KCNIP1: variants seen among roughly 807,000 people sequenced by gnomAD.
The protein encoded by KCNIP1 is potassium voltage-gated channel interacting protein 1.
In KCNIP1, 18 loss-of-function variants were observed where a neutral mutation model predicts 33.0. The observed-to-expected ratio is 0.55, with a 90% CI of 0.38 to 0.81. The LOEUF (loss-of-function observed/expected upper bound fraction) is 0.81. Ranked by LOEUF, KCNIP1 falls within the 30% of genes least tolerant of loss-of-function variation. The pLI is 0.00. For synonymous variants in KCNIP1, 93 were observed against 98.3 expected (o/e 0.95, Z 0.32); for missense variants, 238 against 271.6 (o/e 0.88, Z 0.87).
chr5:170,581,862 G>T (rs558792060), intron 1 of KCNIP1, among the ~76,000 whole-genome samples: 1 of 152,112 alleles, frequency 6.6e-6, no homozygotes, highest in African/African-American at 2.4e-5. Context: ...TCTGCATCTG[G>T]TGTGGACCTC....
intron 1 of KCNIP1, among the ~76,000 whole-genome samples, chr5:170,508,703 C>T (rs1230622352): frequency 6.6e-6 from 1 of 152,188 alleles, no homozygotes; most frequent in East Asian, 1.9e-4. Flanking sequence ...AATGCTCTCC[C>T]ACCCCACCCC....
Position 170,409,526 on chromosome 5 carries a change from C to T in KCNIP1, c.88+55562C>T, listed in dbSNP as rs1293792060. Among the ~76,000 whole-genome samples the T allele has an allele frequency of 2.6e-5, 4 of 152,310 alleles. No homozygotes were observed. The East Asian group carries it at 7.7e-4, about 29-fold the overall frequency. Reference sequence around the variant, plus strand: ...ATAAGTTCACAGAGGCAGGGTTGTGCAGTAGTGACACGCACAGGCTCTTGA... The same window carrying T: ...ATAAGTTCACAGAGGCAGGGTTGTGTAGTAGTGACACGCACAGGCTCTTGA... On this transcript the variant is annotated intron_variant, in intron 1 of 7. Transcript: ENST00000377360.
At position 170,367,418 on chromosome 5, in the gene KCNIP1, AAAGG is replaced by A. The variant is rs1265311045; in HGVS notation, c.88+13457_88+13460del. On this transcript the variant is annotated intron_variant, in intron 1 of 7. Coordinates refer to the KCNIP1 transcript ENST00000377360. ...GAAAGAAAGAAAGAAAGAAAGAAAG[AAAGG>A]AAAGAAAGAAAGAAAGGAAAGAAAG... 1.6e-4 allele frequency among the ~76,000 whole-genome samples: 16 copies of A among 101,354 alleles called. 1 individual carries two copies. Among genetic ancestry groups the A allele is most frequent in the South Asian group, 5.6e-4 (2 of 3,554 alleles). The allele number at this position is 101,354 out of a possible 152,430, so 66.5% of individuals were successfully genotyped here. A position where few individuals can be genotyped will look rare whatever the true frequency, so the allele number is the denominator to read the frequency against.
At chr5:170,368,066 T>C (rs540793660) in intron 1 of KCNIP1, among the ~76,000 whole-genome samples, 1 of 152,368 alleles carries the variant, frequency 6.6e-6, no homozygotes, top group African/African-American at 2.4e-5. Context: ...TAGGAACTAA[T>C]TAATAACCTA....
chr5:170,653,827 C>T (rs958797377), intron 1 of KCNIP1, among the ~76,000 whole-genome samples: 1 of 152,044 alleles, frequency 6.6e-6, no homozygotes, highest in Non-Finnish European at 1.5e-5. Context: ...ACTTGATGCC[C>T]TTAGCTCCAG....
chr5:170,561,993 A>G (rs181065495), intron 1 of KCNIP1, among the ~76,000 whole-genome samples: 6 of 152,378 alleles, frequency 3.9e-5, no homozygotes, highest in Admixed American at 6.5e-5. Context: ...GCTCCTTAAC[A>G]TACAATGAGG....
intron 1 of KCNIP1, among the ~76,000 whole-genome samples, chr5:170,635,944 T>C (rs1312110700): frequency 6.6e-6 from 1 of 151,922 alleles, no homozygotes; most frequent in East Asian, 1.9e-4. Flanking sequence ...AGGCCCTGGG[T>C]ATATTTTGAA....
intron 1 of KCNIP1, among the ~76,000 whole-genome samples, chr5:170,573,359 C>T (rs560050185): frequency 1.3e-5 from 2 of 152,318 alleles, no homozygotes; most frequent in African/African-American, 4.8e-5. Context: ...AGCATGGTTG[C>T]TCTCCAGGAA....
In KCNIP1 at chr5:170,550,118, G is replaced by A. The variant is rs543776612; in HGVS notation, c.61+45485G>A. Reference sequence around the variant, plus strand: ...CCCCTCAAATTGTTGGATCACAGCCGTGGAACAGGCCCCAGAGCTGGGAAG... The same window carrying A: ...CCCCTCAAATTGTTGGATCACAGCCATGGAACAGGCCCCAGAGCTGGGAAG... On this transcript the variant is annotated intron_variant, in intron 1 of 7. Coordinates refer to ENST00000328939, the MANE Select transcript of KCNIP1 (RefSeq NM_014592.4). Among the ~76,000 whole-genome samples, 86 of 152,260 alleles carry A rather than the reference G, an allele frequency of 5.6e-4. 1 individual carries two copies. Among genetic ancestry groups the A allele is most frequent in the African/African-American group, 2.0e-3 (82 of 41,556 alleles).
chr5:170,375,518 C>CT (rs1449644529), intron 1 of KCNIP1: 1 of 152,966 alleles, frequency 6.5e-6, no homozygotes, highest in East Asian at 1.9e-4. Context: ...GCCCCTGTGG[C>CT]TTTGAGTGGC....
chr5:170,679,566 G>A (rs1762257086), intron 1 of KCNIP1, among the ~76,000 whole-genome samples: 1 of 151,974 alleles, frequency 6.6e-6, no homozygotes, highest in Non-Finnish European at 1.5e-5. Context: ...GTTCTCTCCA[G>A]AGGCAACTAA....
At chr5:170,571,054 G>A (rs1407920597) in intron 1 of KCNIP1, among the ~76,000 whole-genome samples, 1 of 152,216 alleles carries the variant, frequency 6.6e-6, no homozygotes, top group Non-Finnish European at 1.5e-5. Flanking sequence ...TTTGTTCTCT[G>A]TGTTTTGGTC....
At chr5:170,642,753 G>C (rs1306352284) in intron 1 of KCNIP1, among the ~76,000 whole-genome samples, 1 of 152,212 alleles carries the variant, frequency 6.6e-6, no homozygotes, top group Non-Finnish European at 1.5e-5. Context: ...GTAAACCTGG[G>C]AGAGTTGAAT....
intron 1 of KCNIP1, among the ~76,000 whole-genome samples, chr5:170,532,847 C>CCTCCTCTTCCTCCTT (rs528292893): frequency 6.6e-6 from 1 of 152,142 alleles, no homozygotes; most frequent in Admixed American, 6.6e-5. Context: ...CTGATCCTCT[C>CCTCCTCTTCCTCCTT]CTCCTCTTCC....
chr5:170,527,508 G>A (rs6873409), intron 1 of KCNIP1, among the ~76,000 whole-genome samples: 11,175 of 151,894 alleles, frequency 0.074, 463 homozygotes, highest in East Asian at 0.23. Flanking sequence ...GCCTGCGAAC[G>A]GCAATCTATT....
chr5:170,406,741 G>A (rs75661496), intron 1 of KCNIP1, among the ~76,000 whole-genome samples: 11,637 of 152,106 alleles, frequency 0.077, 464 homozygotes, highest in East Asian at 0.14. Flanking sequence ...TCCTCATTCC[G>A]AGGCCTGGAG....
intron 1 of KCNIP1, among the ~76,000 whole-genome samples, chr5:170,409,689 G>A (rs1387677422): frequency 2.6e-5 from 4 of 152,134 alleles, no homozygotes; most frequent in African/African-American, 7.2e-5. Flanking sequence ...ATGGTCCCTG[G>A]AATTCCACCG....
chr5:170,641,179 G>A (rs1053640882), intron 1 of KCNIP1, among the ~76,000 whole-genome samples: 20 of 152,146 alleles, frequency 1.3e-4, no homozygotes, highest in Non-Finnish European at 2.5e-4. Flanking sequence ...CTGCCCGCTG[G>A]CTTATGGGCA....
chr5:170,722,694 T>C lies in KCNIP1; in HGVS notation c.328-19T>C. ...GATGGCTTGATGGTTAATGTCACTCTGCCTTTTCCCCTTCTCAGGACTTTG... is the reference window on the plus strand; with the variant it reads ...GATGGCTTGATGGTTAATGTCACTCCGCCTTTTCCCCTTCTCAGGACTTTG... On this transcript the variant is annotated intron_variant, in intron 4 of 7. Coordinates refer to ENST00000328939, the MANE Select transcript of KCNIP1 (RefSeq NM_014592.4). The C allele has an allele frequency of 6.5e-7, 1 of 1,542,152 alleles. No individual in the cohort carries two copies. The highest frequency in any genetic ancestry group is 9.0e-7 in the Non-Finnish European group (1 of 1,114,708).
Sources: gnomAD v4.1 joint callset for allele counts (sites outside exome capture counted in the v4.1 genomes callset) on GRCh38, gnomAD v4.1.1 for gene constraint, MANE v1.5 for transcripts, NCBI Gene and HGNC (gene_info 2026-07-23, HGNC 2026-07-21) for gene names.